Variants in MARCHF11 observed in about 807,000 individuals in gnomAD.
MARCHF11 encodes membrane associated ring-CH-type finger 11.
Under a neutral mutation model 37.3 loss-of-function variants are expected in MARCHF11, and 29 were observed. The ratio of observed to expected loss-of-function variants is 0.78; its 90% CI spans 0.58 to 1.06. The LOEUF is 1.06. MARCHF11 is among the 50% of genes least tolerant of loss of function. The probability of loss-of-function intolerance (pLI) is 0.00; values close to 1 mark genes in which losing one functional copy is unlikely to be tolerated. For missense variants in MARCHF11, 482 were observed against 533.4 expected (o/e 0.90, Z 0.95); for synonymous variants, 233 against 228.0 (o/e 1.02, Z -0.20).
chr5:16,104,534 GA>G (rs1737005516), intron 2 of MARCHF11, among the ~76,000 whole-genome samples: 1 of 152,072 alleles, frequency 6.6e-6, no homozygotes, highest in African/African-American at 2.4e-5. Context: ...ATAGCAAAAT[GA>G]ATAAAATCTT....
At chr5:16,107,921 C>A (rs1240612516) in intron 2 of MARCHF11, among the ~76,000 whole-genome samples, 3 of 152,086 alleles carry the variant, frequency 2.0e-5, no homozygotes, top group Non-Finnish European at 2.9e-5. Context: ...CCCCTTCCAG[C>A]TCCCCATCTA....
intron 2 of MARCHF11, among the ~76,000 whole-genome samples, chr5:16,137,504 CT>C (rs1737627610): frequency 6.6e-6 from 1 of 152,146 alleles, no homozygotes; most frequent in South Asian, 2.1e-4. Context: ...GTCAAGTTTT[CT>C]TCATAGCAGT....
chr5:16,174,354 G>A (rs1025894520), intron 2 of MARCHF11, among the ~76,000 whole-genome samples: 5 of 152,142 alleles, frequency 3.3e-5, no homozygotes, highest in Admixed American at 2.0e-4. Context: ...TAATGATACG[G>A]CAATTAAGGT....
chr5:16,136,512 G>GTAATC (rs1413079470), intron 2 of MARCHF11, among the ~76,000 whole-genome samples: 1 of 152,164 alleles, frequency 6.6e-6, no homozygotes, highest in Non-Finnish European at 1.5e-5. Context: ...ATAGCAAAAT[G>GTAATC]ACTAGCAGTG....
At chr5:16,164,574 A>G (rs548198141) in intron 2 of MARCHF11, among the ~76,000 whole-genome samples, 3 of 152,192 alleles carry the variant, frequency 2.0e-5, no homozygotes, top group African/African-American at 7.2e-5. Context: ...GTAGATTATA[A>G]AACATCCACA....
chr5:16,102,173 T>A (rs6866756), intron 2 of MARCHF11, among the ~76,000 whole-genome samples: 3,695 of 152,304 alleles, frequency 0.024, 144 homozygotes, highest in African/African-American at 0.085. Flanking sequence ...TATAAGATCA[T>A]AAGGTGGCTG....
intron 2 of MARCHF11, among the ~76,000 whole-genome samples, chr5:16,120,746 A>G (rs1553996014): frequency 6.6e-6 from 1 of 152,172 alleles, no homozygotes; most frequent in Non-Finnish European, 1.5e-5. Context: ...ATAATGTGGC[A>G]GAGGTCACCT....
At chr5:16,067,872 G>A in intron 3 of MARCHF11, 79 bp from the exon 4 acceptor site, 2 of 1,252,698 alleles carry the variant, frequency 1.6e-6, no homozygotes, top group South Asian at 1.5e-5. Flanking sequence ...TACAAGTAAG[G>A]GATCCAAAAA....
chr5:16,156,126 C>A (rs1406249921), intron 2 of MARCHF11, among the ~76,000 whole-genome samples: 2 of 151,990 alleles, frequency 1.3e-5, no homozygotes, highest in African/African-American at 2.4e-5. Context: ...GAAATAAATT[C>A]TTTGTACTGA....
At chr5:16,146,996 C>T (rs958703916) in intron 2 of MARCHF11, among the ~76,000 whole-genome samples, 7 of 152,128 alleles carry the variant, frequency 4.6e-5, no homozygotes, top group Admixed American at 3.9e-4. Context: ...GCTCAACTAA[C>T]TGCATTTCAG....
chr5:16,143,234 G>C (rs369837377), intron 2 of MARCHF11, among the ~76,000 whole-genome samples: 1 of 152,018 alleles, frequency 6.6e-6, no homozygotes, highest in African/African-American at 2.4e-5. Context: ...AAATAGCCTC[G>C]TATAGAGTCA....
intron 3 of MARCHF11, among the ~76,000 whole-genome samples, chr5:16,089,472 C>T (rs16868093): frequency 2.0e-5 from 3 of 151,996 alleles, no homozygotes; most frequent in East Asian, 3.9e-4. Flanking sequence ...TCAATTATTC[C>T]GGCAACATCT....
At chr5:16,077,359 A>C (rs1360536487) in intron 3 of MARCHF11, among the ~76,000 whole-genome samples, 2 of 152,018 alleles carry the variant, frequency 1.3e-5, no homozygotes, top group Non-Finnish European at 2.9e-5. Flanking sequence ...CAAACTCACA[A>C]AAAAAAACGA....
intron 2 of MARCHF11, among the ~76,000 whole-genome samples, chr5:16,111,055 T>C (rs947019728): frequency 2.0e-5 from 3 of 152,234 alleles, no homozygotes; most frequent in African/African-American, 7.2e-5. Flanking sequence ...CCTTCTGCCA[T>C]GATTGGAACC....
chr5:16,071,921 C>A (rs1424451076), intron 3 of MARCHF11, among the ~76,000 whole-genome samples: 1 of 152,146 alleles, frequency 6.6e-6, no homozygotes, highest in Non-Finnish European at 1.5e-5. Flanking sequence ...TTGACTGCAA[C>A]TGTACAAACA....
intron 3 of MARCHF11, among the ~76,000 whole-genome samples, chr5:16,089,326 T>C (rs558500377): frequency 1.3e-5 from 2 of 152,290 alleles, no homozygotes; most frequent in South Asian, 2.1e-4. Context: ...AGGGATTCAA[T>C]TTGTGGATCA....
intron 2 of MARCHF11, 60 bp from the exon 3 acceptor site, chr5:16,091,141 A>AC: frequency 7.4e-7 from 1 of 1,344,808 alleles, no homozygotes. Flanking sequence ...AAGAAAAAAA[A>AC]ACATTTTCAG....
At chr5:16,134,091 T>C (rs183766548) in intron 2 of MARCHF11, among the ~76,000 whole-genome samples, 101 of 152,324 alleles carry the variant, frequency 6.6e-4, no homozygotes, top group Non-Finnish European at 1.4e-3. Context: ...TCATTGTTCC[T>C]ATATTAAGTC....
chr5:16,167,044 A>T (rs531328859), intron 2 of MARCHF11, among the ~76,000 whole-genome samples: 1 of 151,062 alleles, frequency 6.6e-6, no homozygotes, highest in Non-Finnish European at 1.5e-5. Context: ...ATGTCCCAAC[A>T]TTACCCCATT....
Sources: gnomAD v4.1 joint callset for allele counts (sites outside exome capture counted in the v4.1 genomes callset) on GRCh38, gnomAD v4.1.1 for gene constraint, MANE v1.5 for transcripts, NCBI Gene and HGNC (gene_info 2026-07-23, HGNC 2026-07-21) for gene names.